Variants in SCAF8 observed in about 807,000 individuals in gnomAD.
SCAF8 encodes the protein SR-related and CTD-associated factor 8.
SCAF8 carries 23 observed loss-of-function variants against 140.5 expected under a neutral mutation model. The observed-to-expected ratio is 0.16, with a 90% CI of 0.12 to 0.23. The LOEUF (loss-of-function observed/expected upper bound fraction) is 0.23, where lower values mean the gene tolerates loss of function less well. Ranked by LOEUF, SCAF8 falls within the 10% of genes least tolerant of loss-of-function variation. The pLI, the probability that SCAF8 is intolerant of heterozygous loss-of-function variation, is 1.00. For synonymous variants in SCAF8, 575 were observed against 528.9 expected (o/e 1.09, Z -1.20); for missense variants, 1,397 against 1,555.7 (o/e 0.90, Z 1.72).
rs774153499 is a variant in SCAF8, at chr6:154,833,262, T to C, written c.3683T>C (p.Ile1228Thr). The C allele has an allele frequency of 1.2e-6, 2 of 1,613,894 alleles. No homozygotes were observed. The highest frequency in any genetic ancestry group is 2.2e-5 in the South Asian group (2 of 91,082). Residue 1228 changes from isoleucine to threonine, a missense_variant, in exon 20 of 20, where the codon ATA becomes ACA. This residue lies in a region of SCAF8 where 930 missense variants were observed against 874.6 expected (regional missense o/e 1.06). Coordinates refer to ENST00000367178, the MANE Select transcript of SCAF8 (RefSeq NM_014892.5). ...NTERHAQPPPIPVQNDPELYE... is the reference protein window; with the variant it reads ...NTERHAQPPPTPVQNDPELYE... ...GAGAGACATGCTCAGCCACCACCTA[T>C]ACCAGTACAGAATGATCCTGAACTT...
At chr6:154,823,053 A>G (rs1778465474) in intron 16 of SCAF8, among the ~76,000 whole-genome samples, 1 of 152,196 alleles carries the variant, frequency 6.6e-6, no homozygotes, top group African/African-American at 2.4e-5. Flanking sequence ...GGAGTTAACC[A>G]TGTGGATATC....
chr6:154,751,630 C>T (rs1434363750), intron 1 of SCAF8, among the ~76,000 whole-genome samples: 1 of 152,180 alleles, frequency 6.6e-6, no homozygotes, highest in Non-Finnish European at 1.5e-5. Context: ...CATACCTTTA[C>T]TAGGTGCACA....
rs1192518172 is a variant in SCAF8, at chr6:154,733,557, G to C, written c.-344G>C. 2.3e-5 allele frequency: 29 copies of C among 1,286,682 alleles called. No individual in the cohort carries two copies. The highest frequency in any genetic ancestry group is 2.7e-5 in the Non-Finnish European group (28 of 1,018,496). The allele number at this position is 1,286,682 out of a possible 1,614,324, so 79.7% of individuals were successfully genotyped here. On this transcript the variant is annotated 5_prime_UTR_variant, in exon 1 of 20. Coordinates refer to ENST00000367178, the MANE Select transcript of SCAF8 (RefSeq NM_014892.5). ...GCAGAAGGGAGTGGAGAGTGTAGGGGAAGGGGCTAGAGGGAGGGGGACCGA... is the reference window on the plus strand; with the variant it reads ...GCAGAAGGGAGTGGAGAGTGTAGGGCAAGGGGCTAGAGGGAGGGGGACCGA...
intron 1 of SCAF8, chr6:154,742,026 G>T: frequency 6.5e-7 from 1 of 1,527,524 alleles, no homozygotes. Flanking sequence ...ATAGTAAGAT[G>T]ATGATAACCC....
chr6:154,733,704 C>T lies in SCAF8; in HGVS notation c.-197C>T, dbSNP rs1023974090. The T allele has an allele frequency of 2.3e-6, 3 of 1,315,522 alleles. No individual in the cohort carries two copies. Among genetic ancestry groups the T allele is most frequent in the Non-Finnish European group, 2.9e-6 (3 of 1,036,202 alleles). The allele number at this position is 1,315,522 out of a possible 1,614,324, so 81.5% of individuals were successfully genotyped here. On this transcript the variant is annotated 5_prime_UTR_variant, in exon 1 of 20. Coordinates refer to ENST00000367178, the MANE Select transcript of SCAF8 (RefSeq NM_014892.5). ...GCTCCCCCCGCCCTAGCGGCCATGC[C>T]GGTGCCGCTCTGCCGCTGAGGGAGC...
At chr6:154,797,596 G>T (rs1244175289) in intron 6 of SCAF8, among the ~76,000 whole-genome samples, 1 of 151,056 alleles carries the variant, frequency 6.6e-6, no homozygotes, top group African/African-American at 2.4e-5. Flanking sequence ...GGGTTTCACC[G>T]TGTTAGCCAG....
Position 154,832,436 on chromosome 6 carries a change from C to G in SCAF8, c.2857C>G (p.Pro953Ala), listed in dbSNP as rs267600869. The G allele has an allele frequency of 1.2e-6, 2 of 1,614,096 alleles. No homozygotes were observed. Among genetic ancestry groups the G allele is most frequent in the South Asian group, 2.2e-5 (2 of 91,076 alleles). The change falls in exon 20 of 20, where the codon CCA becomes GCA. Residue 953 changes from proline (P) to alanine (A), a missense_variant. Pro to Ala is a conservative substitution (Grantham distance 27). Coordinates refer to ENST00000367178, the MANE Select transcript of SCAF8 (RefSeq NM_014892.5). ...QPGIPPQRGI[P>A]PPSVLDSALH... ...TGGAATTCCACCCCAACGGGGAATC[C>G]CACCCCCATCGGTACTTGATTCAGC...
In SCAF8 at chr6:154,733,482, C is replaced by G; in HGVS notation, c.-419C>G. ...TGTCTTCGCCGAGCGGGGCTGGTTC[C>G]TGCGGCCCGAGCGGCGGGGAGGTGA... is the stretch of plus-strand genomic sequence containing the variant. On this transcript the variant is annotated 5_prime_UTR_variant, in exon 1 of 20. Coordinates refer to ENST00000367178, the MANE Select transcript of SCAF8 (RefSeq NM_014892.5). The G allele has an allele frequency of 7.4e-7, 1 of 1,345,318 alleles. No individual in the cohort carries two copies. Among genetic ancestry groups the G allele is most frequent in the East Asian group, 3.1e-5 (1 of 32,516 alleles). The allele number at this position is 1,345,318 out of a possible 1,614,324, so 83.3% of individuals were successfully genotyped here.
rs773214948 is a variant in SCAF8 at position 154,833,270 on chromosome 6, C to G, written c.3691C>G (p.Gln1231Glu). 1.9e-6 allele frequency: 3 copies of G among 1,613,810 alleles called. No individual in the cohort carries two copies. Among genetic ancestry groups the G allele is most frequent in the Non-Finnish European group, 2.5e-6 (3 of 1,179,994 alleles). Reference protein sequence around the residue: ...RHAQPPPIPVQNDPELYEKLT... With the variant: ...RHAQPPPIPVENDPELYEKLT... ...TGCTCAGCCACCACCTATACCAGTA[C>G]AGAATGATCCTGAACTTTATGAAAA... is the stretch of plus-strand genomic sequence containing the variant. Residue 1231 changes from glutamine to glutamate, a missense_variant, in exon 20 of 20, where the codon CAG (glutamine) becomes GAG (glutamate). Physicochemically the swap from Gln to Glu is conservative, Grantham distance 29. Around this residue, in one of 5 missense-constraint regions of SCAF8, gnomAD observed 930 missense variants for 874.6 expected, o/e 1.06. Coordinates refer to ENST00000367178, the MANE Select transcript of SCAF8 (RefSeq NM_014892.5).
chr6:154,802,737 C>A (rs981584991), intron 7 of SCAF8, among the ~76,000 whole-genome samples: 3 of 152,056 alleles, frequency 2.0e-5, no homozygotes, highest in African/African-American at 7.3e-5. Flanking sequence ...ACTTTCTGAG[C>A]TTGTCTGATT....
chr6:154,793,676 G>A (rs1777492666), intron 5 of SCAF8, among the ~76,000 whole-genome samples: 1 of 151,698 alleles, frequency 6.6e-6, no homozygotes, highest in African/African-American at 2.4e-5. Flanking sequence ...TCAGCTGGGT[G>A]TGGTAGTGGG....
chr6:154,782,404 G>T lies in SCAF8; in HGVS notation c.159+4359G>T, dbSNP rs142007506. Among the ~76,000 whole-genome samples, 780 of 152,106 alleles carry T rather than the reference G, an allele frequency of 5.1e-3. 43 individuals carry two copies. In the East Asian group the frequency reaches 0.13, roughly 25 times the overall value. On this transcript the variant is annotated intron_variant, in intron 3 of 19. Coordinates refer to ENST00000367178, the MANE Select transcript of SCAF8 (RefSeq NM_014892.5). ...ACTGCACTCTAGCTTGGGCAACAAA[G>T]CAAGAGCTTGTCTCAAAACAAAACA...
At chr6:154,830,879 T>A in intron 18 of SCAF8, 43 bp from the exon 19 acceptor site, 1 of 1,467,602 alleles carries the variant, frequency 6.8e-7, no homozygotes, top group Non-Finnish European at 9.5e-7. Flanking sequence ...GCACATGAAT[T>A]GACTCATTAA....
intron 6 of SCAF8, among the ~76,000 whole-genome samples, chr6:154,797,259 A>C (rs889547020): frequency 1.3e-5 from 2 of 150,506 alleles, no homozygotes; most frequent in African/African-American, 2.4e-5. Flanking sequence ...CTTGCTTTTT[A>C]TTTCTTTCTG....
rs1174948701 is a variant in SCAF8, at chr6:154,810,112, T to A, written c.1324T>A (p.Ser442Thr). 1.9e-6 allele frequency: 3 copies of A among 1,613,582 alleles called. No homozygotes were observed. The highest frequency in any genetic ancestry group is 2.5e-6 in the Non-Finnish European group (3 of 1,179,824). ...CCGCTCAAGAGAAAGAAAGAGGAAA[T>A]CATCACGGTCGTATTCAAGTGAAAG... is the stretch of plus-strand genomic sequence containing the variant. ...RSRSRERKRK[S>T]SRSYSSERRA... is the part of the protein sequence containing the mutation. The change falls in exon 12 of 20, where the codon TCA becomes ACA. Residue 442 changes from serine (S) to threonine (T), a missense_variant. Ser to Thr is a moderately conservative substitution (Grantham distance 58). Coordinates refer to ENST00000367178, the MANE Select transcript of SCAF8 (RefSeq NM_014892.5).
At chr6:154,737,184 G>A (rs1778445371) in intron 1 of SCAF8, among the ~76,000 whole-genome samples, 1 of 152,138 alleles carries the variant, frequency 6.6e-6, no homozygotes, top group African/African-American at 2.4e-5. Flanking sequence ...AGGAGAAAAG[G>A]ATGTTTTCGA....
intron 2 of SCAF8, 109 bp downstream of exon 2, chr6:154,774,181 T>G: frequency 1.3e-6 from 1 of 743,356 alleles, no homozygotes; most frequent in African/African-American, 1.8e-5. Flanking sequence ...CTTTACAGTG[T>G]TAACACATAT....
intron 1 of SCAF8, among the ~76,000 whole-genome samples, chr6:154,735,799 C>T (rs1446894498): frequency 6.6e-6 from 1 of 152,004 alleles, no homozygotes; most frequent in Non-Finnish European, 1.5e-5. Flanking sequence ...TGGGCGTGTG[C>T]CACTGCGCCT....
At chr6:154,806,848 A>G (rs763304450) in intron 9 of SCAF8, among the ~76,000 whole-genome samples, 4 of 152,192 alleles carry the variant, frequency 2.6e-5, no homozygotes, top group Non-Finnish European at 2.9e-5. Flanking sequence ...CTGAGAACCC[A>G]GAAGTTGAAG....
Sources: allele counts gnomAD v4.1 joint callset (sites outside exome capture counted in the v4.1 genomes callset), GRCh38; gene constraint gnomAD v4.1.1; regional missense constraint gnomAD v4.1.1; transcripts MANE v1.5; gene names NCBI Gene and HGNC (gene_info 2026-07-23, HGNC 2026-07-21).